The following KCNIP1 variants were observed in gnomAD, a reference collection of about 807,000 sequenced individuals.
The protein encoded by KCNIP1 is A-type potassium channel modulatory protein KCNIP1.
In KCNIP1, 18 loss-of-function variants were observed where a neutral mutation model predicts 33.0. The observed-to-expected ratio is 0.55, with a 90% CI of 0.38 to 0.81. KCNIP1 has a LOEUF of 0.81. Among genes scored for constraint, KCNIP1 ranks in the 30% least tolerant of loss-of-function variants. The probability of loss-of-function intolerance (pLI) is 0.00; values close to 1 mark genes in which losing one functional copy is unlikely to be tolerated. For synonymous variants in KCNIP1, 93 were observed against 98.3 expected (o/e 0.95, Z 0.32); for missense variants, 238 against 271.6 (o/e 0.88, Z 0.87).
chr5:170,642,595 C>T (rs771330356), intron 1 of KCNIP1, among the ~76,000 whole-genome samples: 8 of 152,192 alleles, frequency 5.3e-5, no homozygotes, highest in Non-Finnish European at 8.8e-5. Context: ...CGCTCCCATG[C>T]CCCATAGCCG....
intron 1 of KCNIP1, among the ~76,000 whole-genome samples, chr5:170,553,924 A>G (rs1756748452): frequency 6.6e-6 from 1 of 152,222 alleles, no homozygotes; most frequent in African/African-American, 2.4e-5. Context: ...CCAACTCAAT[A>G]TCTAGCACAT....
At chr5:170,519,958 A>G (rs1241328587) in intron 1 of KCNIP1, among the ~76,000 whole-genome samples, 1 of 152,138 alleles carries the variant, frequency 6.6e-6, no homozygotes, top group African/African-American at 2.4e-5. Flanking sequence ...GAAAGCATGA[A>G]GAAATGAACA....
At chr5:170,437,421 A>G (rs1755891070) in intron 1 of KCNIP1, among the ~76,000 whole-genome samples, 1 of 152,138 alleles carries the variant, frequency 6.6e-6, no homozygotes, top group South Asian at 2.1e-4. Flanking sequence ...CAGTCACTCA[A>G]CGGCCATGAA....
At chr5:170,711,411 A>G (rs986886171) in intron 1 of KCNIP1, among the ~76,000 whole-genome samples, 15 of 152,226 alleles carry the variant, frequency 9.9e-5, no homozygotes, top group Admixed American at 7.8e-4. Context: ...ATGCTTCTAA[A>G]CATATCTATA....
At chr5:170,716,333 A>G (rs1402883645) in intron 1 of KCNIP1, among the ~76,000 whole-genome samples, 1 of 152,228 alleles carries the variant, frequency 6.6e-6, no homozygotes, top group African/African-American at 2.4e-5. Context: ...CATTTCACTT[A>G]TATACATGTG....
At chr5:170,432,401 T>G (rs1434455948) in intron 1 of KCNIP1, among the ~76,000 whole-genome samples, 1 of 152,240 alleles carries the variant, frequency 6.6e-6, no homozygotes, top group Non-Finnish European at 1.5e-5. Flanking sequence ...CCTTAGTTAA[T>G]TAATATTTAT....
intron 1 of KCNIP1, among the ~76,000 whole-genome samples, chr5:170,667,375 A>G (rs1015076897): frequency 6.6e-6 from 1 of 152,212 alleles, no homozygotes; most frequent in Admixed American, 6.5e-5. Flanking sequence ...CAATCTGAAG[A>G]AACACATATC....
At chr5:170,371,319 C>A (rs1763837333) in intron 1 of KCNIP1, among the ~76,000 whole-genome samples, 1 of 152,152 alleles carries the variant, frequency 6.6e-6, no homozygotes, top group South Asian at 2.1e-4. Flanking sequence ...TTGGCCATCA[C>A]CCCCACATCT....
chr5:170,543,732 T>C (rs1756301183), intron 1 of KCNIP1, among the ~76,000 whole-genome samples: 1 of 152,266 alleles, frequency 6.6e-6, no homozygotes, highest in South Asian at 2.1e-4. Context: ...TCTTCTTCGG[T>C]TGCTAACTAG....
At chr5:170,424,925 A>G (rs1755578799) in intron 1 of KCNIP1, among the ~76,000 whole-genome samples, 1 of 152,086 alleles carries the variant, frequency 6.6e-6, no homozygotes, top group African/African-American at 2.4e-5. Flanking sequence ...TCTGGTCTTC[A>G]GACACAATAA....
chr5:170,616,138 G>A (rs949678474), intron 1 of KCNIP1, among the ~76,000 whole-genome samples: 1 of 152,138 alleles, frequency 6.6e-6, no homozygotes, highest in Non-Finnish European at 1.5e-5. Context: ...AACCCTTATA[G>A]GCTCAAATCA....
intron 1 of KCNIP1, among the ~76,000 whole-genome samples, chr5:170,447,049 T>C (rs997899733): frequency 5.3e-5 from 8 of 150,324 alleles, no homozygotes; most frequent in African/African-American, 2.0e-4. Flanking sequence ...CAGGTGAATC[T>C]CCATCTTCTT....
In KCNIP1 at chr5:170,504,727, C is replaced by A. The variant is rs111904591; in HGVS notation, c.61+94C>A. 9.6e-7 allele frequency: 1 copy of A among 1,040,870 alleles called. No homozygotes were observed. The allele number at this position is 1,040,870 out of a possible 1,614,324, so 64.5% of individuals were successfully genotyped here. Reference sequence around the variant, plus strand: ...CCACCTGCCTCCCTTAGTCCGGACTCTCCTCTCCACGAGGAGCCCGGACAG... The same window carrying A: ...CCACCTGCCTCCCTTAGTCCGGACTATCCTCTCCACGAGGAGCCCGGACAG... On this transcript the variant is annotated intron_variant, in intron 1 of 7. Transcript: ENST00000328939. The surrounding 1 kb of genome is among the most constrained non-coding windows in gnomAD (Gnocchi z 6.0).
At position 170,716,435 on chromosome 5, in the gene KCNIP1, C is replaced by A. The variant is rs76025346; in HGVS notation, c.62-2323C>A. ...AAGAGAGGGCCACTGGTTTACCTAA[C>A]ATCCACAGGCAGGCTACTTCCCAGC... On this transcript the variant is annotated intron_variant, in intron 1 of 7. Transcript: ENST00000328939. 6.9e-4 allele frequency among the ~76,000 whole-genome samples: 105 copies of A among 152,348 alleles called. 3 individuals are homozygous for A. The East Asian group carries it at 0.019, about 28-fold the overall frequency.
chr5:170,618,526 G>C (rs1448698016), intron 1 of KCNIP1, among the ~76,000 whole-genome samples: 2 of 104,812 alleles, frequency 1.9e-5, no homozygotes, highest in Non-Finnish European at 4.0e-5. Context: ...AAGGGAGGGA[G>C]GGAGGGAGGA....
intron 1 of KCNIP1, among the ~76,000 whole-genome samples, chr5:170,671,569 C>T (rs1407872639): frequency 6.6e-6 from 1 of 152,194 alleles, no homozygotes; most frequent in Non-Finnish European, 1.5e-5. Context: ...TCCTTTATGG[C>T]ACCAATCACG....
chr5:170,420,722 A>C (rs1038884910), intron 1 of KCNIP1: 3 of 152,310 alleles, frequency 2.0e-5, no homozygotes, highest in Middle Eastern at 3.4e-3. Flanking sequence ...TAACTCCCAC[A>C]TCGTTCAGGG....
At chr5:170,439,815 G>T (rs951646156) in intron 1 of KCNIP1, among the ~76,000 whole-genome samples, 1 of 152,230 alleles carries the variant, frequency 6.6e-6, no homozygotes, top group South Asian at 2.1e-4. Context: ...TGTGGGCCTG[G>T]GGCAGTCTGC....
At chr5:170,678,545 T>G (rs1405232417) in intron 1 of KCNIP1, 1 of 152,228 alleles carries the variant, frequency 6.6e-6, no homozygotes, top group East Asian at 1.9e-4. Flanking sequence ...CTACTCTGCC[T>G]TCTTGCATCA....
Sources: gnomAD v4.1 joint callset for allele counts (sites outside exome capture counted in the v4.1 genomes callset) on GRCh38, gnomAD v4.1.1 for gene constraint, Gnocchi (gnomAD v3.1) non-coding constraint, MANE v1.5 for transcripts, NCBI Gene and HGNC (gene_info 2026-07-23, HGNC 2026-07-21) for gene names.